Variants in AKAP7 observed in about 807,000 individuals in gnomAD.
AKAP7 encodes A kinase (PRKA) anchor protein 7.
Under a neutral mutation model 39.5 loss-of-function variants are expected in AKAP7, and 39 were observed. That is an observed-to-expected ratio of 0.99 (90% confidence interval 0.76 to 1.29). AKAP7 has a LOEUF of 1.29. Among genes scored for constraint, AKAP7 ranks in the 50% most tolerant of loss-of-function variants. The pLI is 0.00. For synonymous variants in AKAP7, 140 were observed against 139.1 expected (o/e 1.01, Z -0.05); for missense variants, 414 against 407.7 (o/e 1.02, Z -0.13).
chr6:131,225,004 C>T (rs564275480), intron 7 of AKAP7, among the ~76,000 whole-genome samples: 8 of 152,034 alleles, frequency 5.3e-5, no homozygotes, highest in African/African-American at 1.9e-4. Flanking sequence ...TGATCCACCA[C>T]CTGTGCCTCC....
Position 131,165,162 on chromosome 6 carries a change from T to A in AKAP7, c.373T>A (p.Ser125Thr). The change falls in exon 4 of 8, where the codon TCC becomes ACC. Residue 125 changes from serine (S) to threonine (T), a missense_variant. By Grantham distance (58) the Ser-to-Thr change is moderately conservative. Coordinates refer to ENST00000431975, the MANE Select transcript of AKAP7 (RefSeq NM_016377.4). Reference protein sequence around the residue: ...RLAKAMVSDGSFHITLLVMQL... With the variant: ...RLAKAMVSDGTFHITLLVMQL... ...GGCCAAAGCAATGGTCAGTGATGGTTCCTTTCATATTACCCTGCTGGTGAT... is the reference window on the plus strand; with the variant it reads ...GGCCAAAGCAATGGTCAGTGATGGTACCTTTCATATTACCCTGCTGGTGAT... 1 of 1,611,310 alleles carries A rather than the reference T, an allele frequency of 6.2e-7. No homozygotes were observed. Among genetic ancestry groups the A allele is most frequent in the South Asian group, 1.1e-5 (1 of 90,772 alleles).
chr6:131,173,240 A>G (rs889816997), intron 5 of AKAP7, among the ~76,000 whole-genome samples: 4 of 151,874 alleles, frequency 2.6e-5, no homozygotes, highest in Non-Finnish European at 4.4e-5. Context: ...ATTCTTTTTA[A>G]TTTTAATATC....
chr6:131,242,437 G>A (rs4629710), intron 7 of AKAP7, among the ~76,000 whole-genome samples: 21,164 of 151,596 alleles, frequency 0.14, 1,850 homozygotes, highest in Middle Eastern at 0.28. Context: ...TAGTGTGGAA[G>A]CATGACACTC....
intron 2 of AKAP7, among the ~76,000 whole-genome samples, chr6:131,149,718 G>A (rs1801768179): frequency 6.6e-6 from 1 of 152,226 alleles, no homozygotes; most frequent in Non-Finnish European, 1.5e-5. Context: ...CACGTTTTAG[G>A]AGAAAATCCA....
intron 1 of AKAP7, among the ~76,000 whole-genome samples, chr6:131,142,317 G>C (rs935756041): frequency 6.6e-6 from 1 of 152,248 alleles, no homozygotes; most frequent in Non-Finnish European, 1.5e-5. Context: ...AATGGTTTTA[G>C]GGGACAAGCC....
chr6:131,172,781 T>C (rs9492852), intron 5 of AKAP7, among the ~76,000 whole-genome samples: 4,215 of 152,360 alleles, frequency 0.028, 194 homozygotes, highest in African/African-American at 0.096. Context: ...TTGCTTTTAC[T>C]ATAATTCTTT....
intron 7 of AKAP7, among the ~76,000 whole-genome samples, chr6:131,266,423 G>C (rs1337396282): frequency 6.6e-6 from 1 of 152,160 alleles, no homozygotes; most frequent in Non-Finnish European, 1.5e-5. Flanking sequence ...CATGTCATCA[G>C]TGTACTATTA....
chr6:131,128,167 A>C, the AKAP7 span, among the ~76,000 whole-genome samples: 1 of 152,216 alleles, frequency 6.6e-6, no homozygotes, highest in South Asian at 2.1e-4. Flanking sequence ...AACCTAAAAT[A>C]AAAGTTAAAA....
upstream of AKAP7, among the ~76,000 whole-genome samples, chr6:131,133,471 G>C (rs558211784): frequency 1.3e-5 from 2 of 152,292 alleles, no homozygotes; most frequent in South Asian, 4.1e-4. Flanking sequence ...TCTAAAAGAA[G>C]CTCTGTGAAA....
intron 7 of AKAP7, among the ~76,000 whole-genome samples, chr6:131,264,291 T>C (rs1170776923): frequency 6.6e-6 from 1 of 152,180 alleles, no homozygotes; most frequent in Non-Finnish European, 1.5e-5. Context: ...TGATTCAGTT[T>C]GGTGCATCTA....
chr6:131,153,498 G>A lies in AKAP7; in HGVS notation c.152-6561G>A, dbSNP rs1427965089. 3.3e-5 allele frequency among the ~76,000 whole-genome samples: 5 copies of A among 151,946 alleles called. No individual in the cohort carries two copies. In the South Asian group the frequency reaches 6.2e-4, roughly 19 times the overall value. ...TCCTGATAGCAGAATGGTTAGAGTT[G>A]TTATATGTTATAACCATTACCTTGA... On this transcript the variant is annotated intron_variant, in intron 2 of 7. Coordinates refer to ENST00000431975, the MANE Select transcript of AKAP7 (RefSeq NM_016377.4).
At chr6:131,222,482 A>G (rs1354024233) in intron 7 of AKAP7, among the ~76,000 whole-genome samples, 3 of 151,650 alleles carry the variant, frequency 2.0e-5, no homozygotes, top group Non-Finnish European at 4.4e-5. Flanking sequence ...AGCCGAGATC[A>G]CACCACTGCA....
chr6:131,210,915 A>T (rs959031802), intron 6 of AKAP7, among the ~76,000 whole-genome samples: 1 of 152,324 alleles, frequency 6.6e-6, no homozygotes, highest in Non-Finnish European at 1.5e-5. Flanking sequence ...AGAAAATGGT[A>T]AACTTTGTGC....
At chr6:131,251,653 A>T (rs1812457657) in intron 7 of AKAP7, among the ~76,000 whole-genome samples, 1 of 152,248 alleles carries the variant, frequency 6.6e-6, no homozygotes, top group Non-Finnish European at 1.5e-5. Context: ...CTTTGGAATA[A>T]ATGCTGAAGT....
intron 7 of AKAP7, among the ~76,000 whole-genome samples, chr6:131,257,588 G>A (rs986548447): frequency 6.6e-6 from 1 of 152,148 alleles, no homozygotes; most frequent in Non-Finnish European, 1.5e-5. Flanking sequence ...TGCCCCAGGA[G>A]AGACATGTGG....
intron 5 of AKAP7, among the ~76,000 whole-genome samples, chr6:131,191,065 C>T (rs1160110110): frequency 6.6e-6 from 1 of 152,182 alleles, no homozygotes; most frequent in Admixed American, 6.5e-5. Context: ...TTGATACAAA[C>T]GTGTTGCTAA....
At chr6:131,176,591 T>C (rs1342959376) in intron 5 of AKAP7, among the ~76,000 whole-genome samples, 1 of 152,134 alleles carries the variant, frequency 6.6e-6, no homozygotes, top group Non-Finnish European at 1.5e-5. Context: ...GTTAGCATGA[T>C]AAAAGATTCT....
intron 4 of AKAP7, among the ~76,000 whole-genome samples, chr6:131,165,958 T>A (rs1393216001): frequency 1.3e-5 from 2 of 152,228 alleles, no homozygotes; most frequent in Admixed American, 6.5e-5. Flanking sequence ...GAATGCAGGT[T>A]GCTTTTGTTT....
At chr6:131,146,618 A>T (rs995812720) in intron 2 of AKAP7, among the ~76,000 whole-genome samples, 2 of 152,220 alleles carry the variant, frequency 1.3e-5, no homozygotes, top group Admixed American at 6.5e-5. Context: ...ATGTTTATTG[A>T]CTACATACTC....
Sources: gnomAD v4.1 joint callset for allele counts (sites outside exome capture counted in the v4.1 genomes callset) on GRCh38, gnomAD v4.1.1 for gene constraint, MANE v1.5 for transcripts, NCBI Gene and HGNC (gene_info 2026-07-23, HGNC 2026-07-21) for gene names.